The following PCDHA2 variants were observed in gnomAD, a reference collection of about 807,000 sequenced individuals.
PCDHA2 encodes protocadherin alpha-2.
A neutral mutation model predicts 66.0 loss-of-function variants in PCDHA2; 58 were observed. The ratio of observed to expected loss-of-function variants is 0.88; its 90% CI spans 0.71 to 1.09. The LOEUF (loss-of-function observed/expected upper bound fraction) is 1.09. Ranked by LOEUF, PCDHA2 falls within the 50% of genes least tolerant of loss-of-function variation. The pLI is 0.00. For missense variants in PCDHA2, 1,267 were observed against 1,242.3 expected (o/e 1.02, Z -0.30); for synonymous variants, 634 against 554.0 (o/e 1.14, Z -2.03).
intron 1 of PCDHA2, among the ~76,000 whole-genome samples, chr5:140,887,409 T>C (rs1203976948): frequency 6.6e-6 from 1 of 152,184 alleles, no homozygotes; most frequent in African/African-American, 2.4e-5. Context: ...TATCTCATTT[T>C]TATTTTTGAA....
intron 1 of PCDHA2, among the ~76,000 whole-genome samples, chr5:140,879,619 G>C (rs1554170883): frequency 6.6e-6 from 1 of 152,182 alleles, no homozygotes; most frequent in African/African-American, 2.4e-5. Flanking sequence ...CAGGTACTTA[G>C]GTGGGTAAGT....
intron 1 of PCDHA2, chr5:140,824,623 T>TGTTTG (rs1562279853): frequency 7.6e-6 from 1 of 132,188 alleles, no homozygotes; most frequent in African/African-American, 3.3e-5. Flanking sequence ...TTTTTTTTTT[T>TGTTTG]TTTTTTTTTA....
At chr5:140,827,106 T>C (rs1180227129) in intron 1 of PCDHA2, among the ~76,000 whole-genome samples, 1 of 152,176 alleles carries the variant, frequency 6.6e-6, no homozygotes, top group Non-Finnish European at 1.5e-5. Flanking sequence ...TCAGCATGTA[T>C]AGGTGAAAGT....
chr5:140,832,598 C>A (rs868938084), intron 1 of PCDHA2, among the ~76,000 whole-genome samples: 1 of 152,252 alleles, frequency 6.6e-6, no homozygotes, highest in African/African-American at 2.4e-5. Flanking sequence ...AGAACTATAG[C>A]GTTGCTAGTG....
chr5:141,005,499 C>T (rs1399657712), intron 3 of PCDHA2, among the ~76,000 whole-genome samples: 1 of 151,380 alleles, frequency 6.6e-6, no homozygotes, highest in Non-Finnish European at 1.5e-5. Context: ...GTCAGGAGAT[C>T]GAGACCATCC....
intron 1 of PCDHA2, chr5:140,810,983 G>A (rs1476583149): frequency 6.6e-6 from 1 of 151,936 alleles, no homozygotes; most frequent in Non-Finnish European, 1.5e-5. Flanking sequence ...TGTGAGGTAG[G>A]GGTCAAGATT....
At chr5:140,928,120 G>A (rs368067553) in intron 1 of PCDHA2, 5 of 1,614,062 alleles carry the variant, frequency 3.1e-6, no homozygotes, top group African/African-American at 1.3e-5. Context: ...GCAGATCAGT[G>A]AATACCAAGT....
chr5:140,807,556 G>A, intron 1 of PCDHA2: 2 of 1,614,184 alleles, frequency 1.2e-6, no homozygotes, highest in Non-Finnish European at 1.7e-6. Context: ...ACGTGGAGGT[G>A]AGGGACATTA....
intron 1 of PCDHA2, among the ~76,000 whole-genome samples, chr5:140,880,362 A>G (rs1005788716): frequency 4.6e-5 from 7 of 152,236 alleles, no homozygotes; most frequent in Non-Finnish European, 1.0e-4. Context: ...ATTTAGATGA[A>G]AACCATGAGA....
intron 1 of PCDHA2, among the ~76,000 whole-genome samples, chr5:140,917,163 G>A (rs948639951): frequency 6.6e-6 from 1 of 152,182 alleles, no homozygotes; most frequent in Admixed American, 6.5e-5. Flanking sequence ...ATATGGGAGG[G>A]GTGATGGTGG....
chr5:140,797,432 A>T, intron 1 of PCDHA2, 80 bp downstream of exon 1: 1 of 1,416,960 alleles, frequency 7.1e-7, no homozygotes, highest in Non-Finnish European at 9.7e-7. Flanking sequence ...AGTTATTTAG[A>T]TTCATAGTTC....
intron 1 of PCDHA2, chr5:140,869,951 C>G (rs2051525824): frequency 6.2e-7 from 1 of 1,611,984 alleles, no homozygotes. Context: ...TCCTTAATGT[C>G]AATTAAGCCC....
At chr5:140,888,018 T>A (rs557919672) in intron 1 of PCDHA2, among the ~76,000 whole-genome samples, 1 of 152,360 alleles carries the variant, frequency 6.6e-6, no homozygotes, top group South Asian at 2.1e-4. Context: ...TTTATCTATA[T>A]GTTTGAGCAT....
chr5:140,825,394 A>AAT (rs2150139298), intron 1 of PCDHA2: 7,825 of 145,962 alleles, frequency 0.054, 680 homozygotes, highest in African/African-American at 0.19. Flanking sequence ...ATATATATCT[A>AAT]ATATATTATA....
intron 1 of PCDHA2, chr5:140,862,416 C>A: frequency 2.8e-6 from 1 of 351,276 alleles, no homozygotes; most frequent in South Asian, 2.2e-5. Flanking sequence ...TCAAAAGGCG[C>A]TGCCCAGAAA....
chr5:140,886,455 A>G (rs1554182545), intron 1 of PCDHA2, among the ~76,000 whole-genome samples: 1 of 152,186 alleles, frequency 6.6e-6, no homozygotes, highest in African/African-American at 2.4e-5. Flanking sequence ...ATTTTGTCAT[A>G]TATAAATGTT....
intron 1 of PCDHA2, among the ~76,000 whole-genome samples, chr5:140,893,566 C>T (rs1283289530): frequency 6.6e-6 from 1 of 152,156 alleles, no homozygotes; most frequent in African/African-American, 2.4e-5. Flanking sequence ...AGTGTACTTC[C>T]TCAGTTTTTG....
At chr5:140,836,796 C>T (rs2150270125) in intron 1 of PCDHA2, 1 of 1,377,882 alleles carries the variant, frequency 7.3e-7, no homozygotes, top group Admixed American at 2.4e-5. Flanking sequence ...CAATTGGTCT[C>T]CTTAAATTTT....
intron 1 of PCDHA2, among the ~76,000 whole-genome samples, chr5:140,925,671 A>AATAATAATAATG (rs1445697337): frequency 4.7e-4 from 69 of 148,180 alleles, no homozygotes; most frequent in African/African-American, 1.7e-3. Flanking sequence ...TAATAATAAT[A>AATAATAATAATG]ATAATAAAGC....
Sources: allele counts gnomAD v4.1 joint callset (sites outside exome capture counted in the v4.1 genomes callset), GRCh38; gene constraint gnomAD v4.1.1; transcripts MANE v1.5; gene names NCBI Gene and HGNC (gene_info 2026-07-23, HGNC 2026-07-21).